Variants in EXOC6B observed in about 807,000 individuals in gnomAD.
EXOC6B encodes SEC15 homolog B.
Under a neutral mutation model 113.5 loss-of-function variants are expected in EXOC6B, and 54 were observed. That is an observed-to-expected ratio of 0.48 (90% confidence interval 0.38 to 0.60). The LOEUF (loss-of-function observed/expected upper bound fraction) is 0.60, where lower values mean the gene tolerates loss of function less well. Ranked by LOEUF, EXOC6B falls within the 20% of genes least tolerant of loss-of-function variation. The pLI, the probability that EXOC6B is intolerant of heterozygous loss-of-function variation, is 0.00. For missense variants in EXOC6B, 797 were observed against 977.5 expected (o/e 0.82, Z 2.46); for synonymous variants, 357 against 339.0 (o/e 1.05, Z -0.58).
At chr2:72,638,363 A>G (rs746806755) in intron 6 of EXOC6B, among the ~76,000 whole-genome samples, 1 of 152,170 alleles carries the variant, frequency 6.6e-6, no homozygotes, top group Non-Finnish European at 1.5e-5. Context: ...GCTGTAATAA[A>G]AAGTGTCCTG....
intron 19 of EXOC6B, among the ~76,000 whole-genome samples, chr2:72,358,855 C>T (rs927827545): frequency 2.6e-5 from 4 of 152,180 alleles, no homozygotes; most frequent in Non-Finnish European, 5.9e-5. Context: ...CTCTATTATT[C>T]ACATCTCATG....
chr2:72,548,735 T>C (rs954377882), intron 8 of EXOC6B, among the ~76,000 whole-genome samples: 1 of 152,180 alleles, frequency 6.6e-6, no homozygotes, highest in African/African-American at 2.4e-5. Flanking sequence ...GGTGAATAAA[T>C]ATAATACCTG....
At chr2:72,240,944 G>A (rs531888045) in intron 20 of EXOC6B, among the ~76,000 whole-genome samples, 4 of 152,116 alleles carry the variant, frequency 2.6e-5, no homozygotes, top group Non-Finnish European at 5.9e-5. Flanking sequence ...GGTGGATATA[G>A]AGAATACATT....
chr2:72,582,180 CA>C (rs1477964205), intron 6 of EXOC6B, among the ~76,000 whole-genome samples: 4 of 151,620 alleles, frequency 2.6e-5, no homozygotes, highest in Admixed American at 2.6e-4. Context: ...TATATATGGG[CA>C]AAAAATAAAA....
chr2:72,737,492 T>G (rs1283176321), intron 2 of EXOC6B, among the ~76,000 whole-genome samples: 1 of 152,222 alleles, frequency 6.6e-6, no homozygotes, highest in Non-Finnish European at 1.5e-5. Flanking sequence ...AAACAGGTTA[T>G]CATTTTTAAA....
At chr2:72,188,357 T>C (rs6753315) in intron 20 of EXOC6B, among the ~76,000 whole-genome samples, 4,084 of 152,288 alleles carry the variant, frequency 0.027, 188 homozygotes, top group African/African-American at 0.093. Flanking sequence ...TTTATTCCCC[T>C]ACAGTCATGG....
Position 72,272,186 on chromosome 2 carries a change from C to G in EXOC6B, c.2196+62761G>C, listed in dbSNP as rs1389541525. 2.0e-5 allele frequency among the ~76,000 whole-genome samples: 3 copies of G among 152,044 alleles called. No individual in the cohort carries two copies. The East Asian group carries it at 5.8e-4, about 29-fold the overall frequency. On this transcript the variant is annotated intron_variant, in intron 20 of 21. Transcript: ENST00000272427. ...AAGTGCAGTGAGGTGAGCCAAGGTG[C>G]CAGGGGGTCACTAGGAGTTCATCTT... is the stretch of plus-strand genomic sequence containing the variant.
chr2:72,194,201 T>C (rs1201724206), intron 20 of EXOC6B, among the ~76,000 whole-genome samples: 1 of 152,180 alleles, frequency 6.6e-6, no homozygotes, highest in Non-Finnish European at 1.5e-5. Context: ...AAATTCATTA[T>C]CTTAACAACT....
chr2:72,728,060 C>A (rs1319603708), intron 5 of EXOC6B, among the ~76,000 whole-genome samples: 3 of 151,968 alleles, frequency 2.0e-5, no homozygotes, highest in Non-Finnish European at 4.4e-5. Flanking sequence ...CTGGCAAAAA[C>A]CAAAAAGTTT....
chr2:72,716,366 A>G (rs137924638), intron 6 of EXOC6B, among the ~76,000 whole-genome samples: 85 of 152,204 alleles, frequency 5.6e-4, no homozygotes, highest in African/African-American at 1.9e-3. Context: ...GAATTCAAAC[A>G]TTTATTGAAC....
chr2:72,524,824 T>C (rs1020746207), intron 8 of EXOC6B, among the ~76,000 whole-genome samples: 3 of 152,130 alleles, frequency 2.0e-5, no homozygotes, highest in Non-Finnish European at 4.4e-5. Flanking sequence ...ACAAAAAAAC[T>C]GTATATGGAG....
At chr2:72,814,351 G>T (rs1686098157) in intron 1 of EXOC6B, among the ~76,000 whole-genome samples, 1 of 152,162 alleles carries the variant, frequency 6.6e-6, no homozygotes, top group African/African-American at 2.4e-5. Context: ...TGTTGTCGTT[G>T]CTTTTGTTTT....
intron 6 of EXOC6B, among the ~76,000 whole-genome samples, chr2:72,689,819 T>C (rs563769375): frequency 6.6e-6 from 1 of 152,338 alleles, no homozygotes; most frequent in Admixed American, 6.5e-5. Context: ...CATACTCAAG[T>C]GTCCCTAAGT....
chr2:72,266,617 T>A lies in EXOC6B; in HGVS notation c.2196+68330A>T, dbSNP rs573314942. 4.6e-5 allele frequency among the ~76,000 whole-genome samples: 7 copies of A among 152,230 alleles called. No individual in the cohort carries two copies. In the East Asian group the frequency reaches 1.4e-3, roughly 29 times the overall value. ...CTGTTCTGTTCCATTGATCTATATC[T>A]CTGTTTTGGTACCAGTACCATGCTG... is the stretch of plus-strand genomic sequence containing the variant. On this transcript the variant is annotated intron_variant, in intron 20 of 21. Coordinates refer to ENST00000272427, the MANE Select transcript of EXOC6B (RefSeq NM_015189.3).
chr2:72,254,574 C>T (rs1683234917), intron 20 of EXOC6B, among the ~76,000 whole-genome samples: 1 of 152,190 alleles, frequency 6.6e-6, no homozygotes. Context: ...CTAACTACAA[C>T]ATAAGTGCTG....
At chr2:72,763,773 C>T (rs1214512841) in intron 1 of EXOC6B, among the ~76,000 whole-genome samples, 1 of 152,042 alleles carries the variant, frequency 6.6e-6, no homozygotes, top group East Asian at 1.9e-4. Flanking sequence ...GAGAAGTAAG[C>T]CCATATCTTC....
intron 20 of EXOC6B, among the ~76,000 whole-genome samples, chr2:72,254,027 G>A (rs1265224818): frequency 6.6e-6 from 1 of 152,066 alleles, no homozygotes; most frequent in Non-Finnish European, 1.5e-5. Flanking sequence ...GGGCGTGGTG[G>A]TGGGCACCTG....
chr2:72,674,495 A>G lies in EXOC6B; in HGVS notation c.669+43608T>C, dbSNP rs548368685. ...TTTCTACATATTTTCATTTACTACA[A>G]TCATTTATGTCTATCGAGTGGTAAT... On this transcript the variant is annotated intron_variant, in intron 6 of 21. Transcript: ENST00000272427. Among the ~76,000 whole-genome samples the G allele has an allele frequency of 3.9e-5, 6 of 152,280 alleles. No homozygotes were observed. In the South Asian group the frequency reaches 6.2e-4, roughly 16 times the overall value.
At chr2:72,337,831 A>T (rs1458950695) in intron 19 of EXOC6B, among the ~76,000 whole-genome samples, 2 of 152,204 alleles carry the variant, frequency 1.3e-5, no homozygotes, top group Non-Finnish European at 2.9e-5. Flanking sequence ...CCACATAGAT[A>T]GCAAACTCCT....
Sources: gnomAD v4.1 joint callset for allele counts (sites outside exome capture counted in the v4.1 genomes callset) on GRCh38, gnomAD v4.1.1 for gene constraint, MANE v1.5 for transcripts, NCBI Gene and HGNC (gene_info 2026-07-23, HGNC 2026-07-21) for gene names.